BBS9: variants seen among roughly 807,000 people sequenced by gnomAD.
BBS9 encodes protein PTHB1.
A neutral mutation model predicts 117.7 loss-of-function variants in BBS9; 89 were observed. The observed-to-expected ratio is 0.76, with a 90% CI of 0.64 to 0.90. The LOEUF (loss-of-function observed/expected upper bound fraction) is 0.90. BBS9 is among the 40% of genes least tolerant of loss of function. The probability of loss-of-function intolerance (pLI) is 0.00; values close to 1 mark genes in which losing one functional copy is unlikely to be tolerated. For missense variants in BBS9, 982 were observed against 1,042.2 expected, an observed-to-expected ratio of 0.94 and a Z score of 0.80; for synonymous variants, 379 against 370.9, an observed-to-expected ratio of 1.02 and a Z score of -0.25.
In BBS9 at chr7:33,167,213, T is replaced by C. The variant is rs947289742; in HGVS notation, c.329-10265T>C. Among the ~76,000 whole-genome samples, 3 of 152,200 alleles carry C rather than the reference T, an allele frequency of 2.0e-5. No homozygotes were observed. In the South Asian group the frequency reaches 6.2e-4, roughly 31 times the overall value. ...CTCCAATTTAGGTTCACAGCACTGA[T>C]AACTGAAAGTTATAGGTATTTTGAC... is the stretch of plus-strand genomic sequence containing the variant. On this transcript the variant is annotated intron_variant, in intron 4 of 22. Transcript: ENST00000242067.
intron 21 of BBS9, among the ~76,000 whole-genome samples, chr7:33,538,046 C>T (rs938664132): frequency 6.6e-6 from 1 of 152,212 alleles, no homozygotes; most frequent in African/African-American, 2.4e-5. Context: ...GCAGGGCAGG[C>T]ATAGAAAGCT....
At chr7:33,153,224 CT>C (rs1287303916) in intron 3 of BBS9, among the ~76,000 whole-genome samples, 1 of 152,076 alleles carries the variant, frequency 6.6e-6, no homozygotes. Flanking sequence ...TGGTTCATAG[CT>C]TTGAGGTTTT....
intron 4 of BBS9, among the ~76,000 whole-genome samples, chr7:33,170,708 T>C (rs992891276): frequency 6.7e-6 from 1 of 148,410 alleles, no homozygotes; most frequent in Non-Finnish European, 1.5e-5. Flanking sequence ...AAAACCCCAT[T>C]GTCTCAGCCC....
intron 17 of BBS9, among the ~76,000 whole-genome samples, chr7:33,372,081 A>T (rs1822977720): frequency 6.6e-6 from 1 of 152,166 alleles, no homozygotes; most frequent in Non-Finnish European, 1.5e-5. Context: ...AAGTAGTAGG[A>T]GTTATAGAGC....
intron 20 of BBS9, among the ~76,000 whole-genome samples, chr7:33,521,745 T>C (rs1848631788): frequency 6.6e-6 from 1 of 151,324 alleles, no homozygotes. Flanking sequence ...TGTTTTCTTT[T>C]TCTTTTTTTT....
Position 33,635,018 on chromosome 7 carries a change from G to A in BBS9, c.2522-159G>A, listed in dbSNP as rs531148509. 3.0e-3 allele frequency among the ~76,000 whole-genome samples: 458 copies of A among 152,238 alleles called. 1 individual carries two copies. Among genetic ancestry groups the A allele is most frequent in the African/African-American group, 0.01 (435 of 41,534 alleles). On this transcript the variant is annotated intron_variant, in intron 21 of 21. Coordinates refer to the BBS9 transcript ENST00000671952. ...TCCCACACTCGCAGTGGCTCTCTTC[G>A]AAACCATCGGTACCCAGTGTCCTTC...
At chr7:33,568,814 G>A (rs1484715536) in intron 21 of BBS9, among the ~76,000 whole-genome samples, 1 of 152,156 alleles carries the variant, frequency 6.6e-6, no homozygotes, top group Non-Finnish European at 1.5e-5. Flanking sequence ...AAATATATGT[G>A]TATGTATTTA....
chr7:33,540,704 G>C (rs1490126350), intron 21 of BBS9, among the ~76,000 whole-genome samples: 1 of 152,200 alleles, frequency 6.6e-6, no homozygotes, highest in Non-Finnish European at 1.5e-5. Context: ...TTTTCAAAAG[G>C]AAGTTATTAA....
At chr7:33,363,450 A>G (rs980695980) in intron 16 of BBS9, among the ~76,000 whole-genome samples, 1 of 152,152 alleles carries the variant, frequency 6.6e-6, no homozygotes, top group African/African-American at 2.4e-5. Flanking sequence ...ACATTGTTAA[A>G]CCACTTGTGG....
chr7:33,391,752 G>A (rs11972278), intron 19 of BBS9, among the ~76,000 whole-genome samples: 93,688 of 151,890 alleles, frequency 0.62, 29,266 homozygotes, highest in African/African-American at 0.71. Flanking sequence ...ATAATCTTTG[G>A]TCATACTTTC....
chr7:33,574,312 A>G (rs888348335), intron 21 of BBS9, among the ~76,000 whole-genome samples: 2 of 152,096 alleles, frequency 1.3e-5, no homozygotes, highest in African/African-American at 4.8e-5. Context: ...CTTCTCACCA[A>G]CTGTGGGTCA....
chr7:33,594,625 A>G (rs1442548143), intron 21 of BBS9, among the ~76,000 whole-genome samples: 1 of 152,138 alleles, frequency 6.6e-6, no homozygotes, highest in Non-Finnish European at 1.5e-5. Context: ...CAACACAGTG[A>G]AGAGTAGAGT....
At chr7:33,273,571 A>G (rs1402632999) in intron 8 of BBS9, among the ~76,000 whole-genome samples, 2 of 152,222 alleles carry the variant, frequency 1.3e-5, no homozygotes, top group Non-Finnish European at 2.9e-5. Context: ...AATGTGTTAC[A>G]TATTAATGAA....
At chr7:33,189,075 C>T (rs190590014) in intron 5 of BBS9, among the ~76,000 whole-genome samples, 29 of 152,160 alleles carry the variant, frequency 1.9e-4, no homozygotes, top group Admixed American at 1.6e-3. Context: ...AGGCTGAGTG[C>T]GGTGGTACGA....
At chr7:33,590,870 A>T (rs1446232492) in intron 21 of BBS9, among the ~76,000 whole-genome samples, 1 of 152,170 alleles carries the variant, frequency 6.6e-6, no homozygotes, top group East Asian at 1.9e-4. Flanking sequence ...TTAAAAAAAA[A>T]ACTAATAATC....
At chr7:33,339,045 A>T (rs1293576418) in intron 10 of BBS9, among the ~76,000 whole-genome samples, 3 of 152,198 alleles carry the variant, frequency 2.0e-5, no homozygotes, top group African/African-American at 7.2e-5. Context: ...GACATTGTTC[A>T]TTTAGGATTC....
At chr7:33,538,026 A>G (rs969170520) in intron 21 of BBS9, among the ~76,000 whole-genome samples, 20 of 152,216 alleles carry the variant, frequency 1.3e-4, no homozygotes, top group Non-Finnish European at 2.2e-4. Context: ...CAAATGCTGT[A>G]GGCACCACAG....
rs1789264502 is a variant in BBS9 at position 33,129,587 on chromosome 7, GAGTT to G, written c.-463_-460del. On this transcript the variant is annotated 5_prime_UTR_variant, in exon 1 of 23. The change abolishes the stop of an existing upstream ORF in the 5' untranslated region. Coordinates refer to ENST00000242067, the MANE Select transcript of BBS9 (RefSeq NM_198428.3). ...ATGACAACAGGGCGAAGATGGCTCA[GAGTT>G]AGGCTGGAGAGGGGAGGTGTCCCTT... is the stretch of plus-strand genomic sequence containing the variant. 1 of 154,354 alleles carries G rather than the reference GAGTT, an allele frequency of 6.5e-6. No individual in the cohort carries two copies. The highest frequency in any genetic ancestry group is 1.4e-5 in the Non-Finnish European group (1 of 69,560). 9.6% of individuals were successfully genotyped at this position (154,354 alleles called of 1,614,324 possible). A position where few individuals can be genotyped will look rare whatever the true frequency, so the allele number is the denominator to read the frequency against.
intron 5 of BBS9, among the ~76,000 whole-genome samples, chr7:33,221,004 G>A (rs1240336962): frequency 6.6e-6 from 1 of 152,196 alleles, no homozygotes; most frequent in Non-Finnish European, 1.5e-5. Context: ...AGGTTTAGCC[G>A]TGCTTTTTTG....
Sources: allele counts gnomAD v4.1 joint callset (sites outside exome capture counted in the v4.1 genomes callset), GRCh38; gene constraint gnomAD v4.1.1; transcripts MANE v1.5; gene names NCBI Gene and HGNC (gene_info 2026-07-23, HGNC 2026-07-21).